The following PFKFB3 variants were observed in gnomAD, a reference collection of about 807,000 sequenced individuals.
PFKFB3 encodes 6-phosphofructo-2-kinase/fructose-2,6-bisphosphatase 3.
PFKFB3 carries 33 observed loss-of-function variants against 68.0 expected under a neutral mutation model. That is an observed-to-expected ratio of 0.49 (90% confidence interval 0.37 to 0.65). The LOEUF is 0.65. PFKFB3 is among the 30% of genes least tolerant of loss of function. The probability of loss-of-function intolerance (pLI) is 0.00; values close to 1 mark genes in which losing one functional copy is unlikely to be tolerated. For missense variants in PFKFB3, 586 were observed against 712.2 expected, an observed-to-expected ratio of 0.82 and a Z score of 2.02; for synonymous variants, 315 against 288.2, an observed-to-expected ratio of 1.09 and a Z score of -0.94.
intron 1 of PFKFB3, among the ~76,000 whole-genome samples, chr10:6,211,589 C>T (rs536547412): frequency 1.3e-5 from 2 of 152,294 alleles, no homozygotes; most frequent in South Asian, 4.1e-4. Flanking sequence ...TCGGGGAGGC[C>T]ACCATCTCTC....
the PFKFB3 span, among the ~76,000 whole-genome samples, chr10:6,267,059 G>A: frequency 6.6e-6 from 1 of 152,198 alleles, no homozygotes; most frequent in African/African-American, 2.4e-5. Context: ...GCTATTTAAT[G>A]TTATTCAAAA....
chr10:6,287,340 C>T, the PFKFB3 span, among the ~76,000 whole-genome samples: 6 of 152,010 alleles, frequency 3.9e-5, no homozygotes, highest in African/African-American at 7.2e-5. Context: ...CCTGCCTGCC[C>T]GGGCCTCTCA....
chr10:6,270,710 A>T, the PFKFB3 span, among the ~76,000 whole-genome samples: 53 of 152,274 alleles, frequency 3.5e-4, no homozygotes, highest in Middle Eastern at 3.4e-3. Context: ...TCCGGGCTAG[A>T]TTAGGCCCTA....
chr10:6,326,608 G>A, the PFKFB3 span: 1 of 451,668 alleles, frequency 2.2e-6, no homozygotes, highest in Middle Eastern at 3.3e-4. Context: ...GCCCCGACGA[G>A]GAAGTGTGAA....
intron 1 of PFKFB3, among the ~76,000 whole-genome samples, chr10:6,210,336 G>GT (rs35193180): frequency 1.6e-4 from 10 of 61,020 alleles, no homozygotes; most frequent in African/African-American, 2.2e-4. Context: ...CCCTCTCTTT[G>GT]TTTTTTTTTG....
chr10:6,300,618 A>G, the PFKFB3 span, among the ~76,000 whole-genome samples: 1 of 152,316 alleles, frequency 6.6e-6, no homozygotes, highest in African/African-American at 2.4e-5. Context: ...TTTGATCGTT[A>G]GCAGGAAACG....
intron 1 of PFKFB3, among the ~76,000 whole-genome samples, chr10:6,189,041 G>A (rs990770772): frequency 2.1e-4 from 32 of 152,056 alleles, no homozygotes; most frequent in Non-Finnish European, 3.7e-4. Context: ...GGGTTTCACT[G>A]TGTTAGCCAG....
upstream of PFKFB3, among the ~76,000 whole-genome samples, chr10:6,198,616 G>A (rs1290043508): frequency 1.3e-5 from 2 of 152,198 alleles, no homozygotes; most frequent in African/African-American, 2.4e-5. Context: ...CCGAGTAGCT[G>A]GGATTACAGG....
the PFKFB3 span, among the ~76,000 whole-genome samples, chr10:6,267,954 C>A: frequency 4.9e-4 from 42 of 85,874 alleles, no homozygotes; most frequent in East Asian, 6.8e-4. Context: ...GACCCTATCT[C>A]AAAAAAAAAA....
At chr10:6,192,743 C>G (rs974085499) in intron 1 of PFKFB3, among the ~76,000 whole-genome samples, 7 of 148,566 alleles carry the variant, frequency 4.7e-5, no homozygotes, top group African/African-American at 1.7e-4. Flanking sequence ...CTGGGGAAAC[C>G]AAGGGGTGAA....
At chr10:6,261,456 T>G in the PFKFB3 span, among the ~76,000 whole-genome samples, 4 of 152,176 alleles carry the variant, frequency 2.6e-5, no homozygotes, top group African/African-American at 9.7e-5. Context: ...ATGTTCTCAC[T>G]TACAAGTGGG....
At chr10:6,318,079 C>G in the PFKFB3 span, among the ~76,000 whole-genome samples, 17 of 152,282 alleles carry the variant, frequency 1.1e-4, no homozygotes, top group East Asian at 1.9e-3. Context: ...CACCATGCCC[C>G]CTCCACCCTA....
chr10:6,200,316 A>T (rs1843295825), upstream of PFKFB3, among the ~76,000 whole-genome samples: 1 of 152,086 alleles, frequency 6.6e-6, no homozygotes, highest in Admixed American at 6.6e-5. Flanking sequence ...GCGTTTTCTG[A>T]AGGGCCGCCT....
intron 10 of PFKFB3, among the ~76,000 whole-genome samples, chr10:6,222,152 T>C (rs1468130535): frequency 6.6e-6 from 1 of 152,016 alleles, no homozygotes; most frequent in Non-Finnish European, 1.5e-5. Context: ...GGGCCTGGTG[T>C]GTCCTCCCTG....
At chr10:6,199,167 T>C, upstream of PFKFB3, among the ~76,000 whole-genome samples, 1 of 152,240 alleles carries the variant, frequency 6.6e-6, no homozygotes, top group Non-Finnish European at 1.5e-5. Flanking sequence ...TAGTGACACT[T>C]GGTGTCTAAT....
chr10:6,241,807 T>TG (rs1227735446), intron 14 of PFKFB3, among the ~76,000 whole-genome samples: 1 of 152,090 alleles, frequency 6.6e-6, no homozygotes, highest in Non-Finnish European at 1.5e-5. Flanking sequence ...GGTGTTCTAA[T>TG]GGTGGTTTTC....
upstream of PFKFB3, among the ~76,000 whole-genome samples, chr10:6,200,696 G>T: frequency 7.1e-6 from 1 of 140,804 alleles, no homozygotes; most frequent in Non-Finnish European, 1.6e-5. Flanking sequence ...TGGTGGGGCG[G>T]GGATTGAGTT....
chr10:6,318,330 G>A, the PFKFB3 span, among the ~76,000 whole-genome samples: 88,967 of 152,052 alleles, frequency 0.59, 26,270 homozygotes, highest in African/African-American at 0.61. Flanking sequence ...GGAGATTGGA[G>A]CATACACCAC....
the PFKFB3 span, among the ~76,000 whole-genome samples, chr10:6,264,712 C>T: frequency 1.3e-5 from 2 of 152,068 alleles, no homozygotes; most frequent in Admixed American, 1.3e-4. Context: ...CTTGTTTATT[C>T]TGTTTCCCTC....
Sources: allele counts gnomAD v4.1 joint callset (sites outside exome capture counted in the v4.1 genomes callset), GRCh38; gene constraint gnomAD v4.1.1; transcripts MANE v1.5; gene names NCBI Gene and HGNC (gene_info 2026-07-23, HGNC 2026-07-21).